Variants in PCDHGA7 observed in about 807,000 individuals in gnomAD.
The protein encoded by PCDHGA7 is protocadherin gamma subfamily A, 7, also known as protocadherin gamma-A7.
In PCDHGA7, 44 loss-of-function variants were observed where a neutral mutation model predicts 58.3. The ratio of observed to expected loss-of-function variants is 0.75; its 90% CI spans 0.59 to 0.97. The LOEUF is 0.97. PCDHGA7 is among the 50% of genes least tolerant of loss of function. The pLI is 0.00. For missense variants in PCDHGA7, 1,266 were observed against 1,188.7 expected, an observed-to-expected ratio of 1.06 and a Z score of -0.96; for synonymous variants, 516 against 504.2, an observed-to-expected ratio of 1.02 and a Z score of -0.31.
chr5:141,470,671 C>T (rs2099236433), intron 1 of PCDHGA7, among the ~76,000 whole-genome samples: 1 of 152,064 alleles, frequency 6.6e-6, no homozygotes, highest in African/African-American at 2.4e-5. Context: ...TAGGGCTCTG[C>T]TGTTACCATC....
At chr5:141,507,183 C>T (rs2099859036) in intron 3 of PCDHGA7, 1 of 152,428 alleles carries the variant, frequency 6.6e-6, no homozygotes, top group Non-Finnish European at 1.5e-5. Flanking sequence ...TCCTCGAGCT[C>T]TGCTTTATTC....
In PCDHGA7 at chr5:141,431,187, G is replaced by C. The variant is rs748150837; in HGVS notation, c.2424+45864G>C. On this transcript the variant is annotated intron_variant, in intron 1 of 3. Transcript: ENST00000518325. This position sits in a 1 kb window ranked among gnomAD's most constrained non-coding sequence, Gnocchi z 4.8. ...GAAAGTGAATTAGAAATAAAAATTAGTGAAAATGCAGCCACTGAGATGCGG... is the reference window on the plus strand; with the variant it reads ...GAAAGTGAATTAGAAATAAAAATTACTGAAAATGCAGCCACTGAGATGCGG... 4.3e-6 allele frequency: 7 copies of C among 1,614,102 alleles called. No homozygotes were observed. The Admixed American group carries it at 1.2e-4, about 27-fold the overall frequency.
At chr5:141,405,767 T>C (rs957910070) in intron 1 of PCDHGA7, among the ~76,000 whole-genome samples, 2 of 152,128 alleles carry the variant, frequency 1.3e-5, no homozygotes, top group African/African-American at 4.8e-5. Flanking sequence ...CGTGAGCCAC[T>C]GCGCCTGGCC....
chr5:141,405,967 G>C (rs76683972), intron 1 of PCDHGA7, among the ~76,000 whole-genome samples: 1 of 151,968 alleles, frequency 6.6e-6, no homozygotes, highest in Non-Finnish European at 1.5e-5. Context: ...TGCTGTCAAC[G>C]TAAACCATAC....
At chr5:141,449,631 G>C in intron 1 of PCDHGA7, among the ~76,000 whole-genome samples, 1 of 148,476 alleles carries the variant, frequency 6.7e-6, no homozygotes, top group Middle Eastern at 3.6e-3. Flanking sequence ...TTAAAAAGAT[G>C]TATCTATATA....
At chr5:141,470,961 C>T (rs1447105252) in intron 1 of PCDHGA7, among the ~76,000 whole-genome samples, 1 of 152,036 alleles carries the variant, frequency 6.6e-6, no homozygotes, top group Non-Finnish European at 1.5e-5. Context: ...AAGTGATCCT[C>T]CCACCTCAGC....
chr5:141,392,801 C>A, intron 1 of PCDHGA7: 1 of 1,570,660 alleles, frequency 6.4e-7, no homozygotes, highest in Admixed American at 1.9e-5. Flanking sequence ...GAGGATTCTG[C>A]AGCAAAACAA....
At position 141,486,602 on chromosome 5, in the gene PCDHGA7, C is replaced by T; in HGVS notation, c.2425-8205C>T. The stretch of plus-strand genomic sequence containing the variant: ...TCGCCCAGGGGACCTGCTTTGCTCC[C>T]TTGCAGCCTCTGACCCAGACTCTGG... On this transcript the variant is annotated intron_variant, in intron 1 of 3. Transcript: ENST00000518325. The surrounding 1 kb of genome is among the most constrained non-coding windows in gnomAD (Gnocchi z 5.0). 6.2e-7 allele frequency: 1 copy of T among 1,613,572 alleles called. No homozygotes were observed. Among genetic ancestry groups the T allele is most frequent in the Non-Finnish European group, 8.5e-7 (1 of 1,180,026 alleles).
chr5:141,415,040 C>A (rs772941952), intron 1 of PCDHGA7: 3 of 1,613,520 alleles, frequency 1.9e-6, no homozygotes, highest in Non-Finnish European at 2.5e-6. Flanking sequence ...GGACTCTTCG[C>A]GGTGGGGGAG....
chr5:141,511,055 A>ATG lies in PCDHGA7; in HGVS notation c.2683_2684dup (p.Tyr896SerfsTer10). 1 of 1,614,218 alleles carries ATG rather than the reference A, an allele frequency of 6.2e-7. No individual in the cohort carries two copies. The highest frequency in any genetic ancestry group is 8.5e-7 in the Non-Finnish European group (1 of 1,180,026). On this transcript the variant is annotated frameshift_variant, in exon 4 of 4. Coordinates refer to ENST00000518325, the MANE Select transcript of PCDHGA7 (RefSeq NM_018920.4). LOFTEE classifies it high-confidence loss of function. Reference sequence around the variant, plus strand: ...CAGCACGTGCCCGACTACCGCCAGAATGTCTACATCCCAGGCAGCAATGCC... The same window carrying ATG: ...CAGCACGTGCCCGACTACCGCCAGAATGTGTCTACATCCCAGGCAGCAATGCC...
intron 1 of PCDHGA7, among the ~76,000 whole-genome samples, chr5:141,484,645 T>C (rs948669787): frequency 1.3e-5 from 2 of 151,970 alleles, no homozygotes; most frequent in Admixed American, 6.6e-5. Context: ...CACTCTCCAA[T>C]GGCTACTCTC....
intron 1 of PCDHGA7, chr5:141,385,874 A>G (rs1465622834): frequency 6.5e-6 from 1 of 153,030 alleles, no homozygotes; most frequent in Non-Finnish European, 1.5e-5. Context: ...GGTTGGATTT[A>G]TGCCTAAAGA....
At chr5:141,460,456 T>C (rs2098989632) in intron 1 of PCDHGA7, among the ~76,000 whole-genome samples, 1 of 152,124 alleles carries the variant, frequency 6.6e-6, no homozygotes, top group South Asian at 2.1e-4. Flanking sequence ...AAGATTCATA[T>C]TTTTTTCCAA....
At chr5:141,507,429 G>C (rs1191174823) in intron 3 of PCDHGA7, 3 of 152,238 alleles carry the variant, frequency 2.0e-5, no homozygotes, top group African/African-American at 7.2e-5. Flanking sequence ...AGTGGGGCCA[G>C]GCCTACAGCT....
intron 1 of PCDHGA7, chr5:141,410,094 C>A: frequency 6.2e-7 from 1 of 1,612,646 alleles, no homozygotes; most frequent in South Asian, 1.1e-5. Context: ...ACGGCTCGAG[C>A]CTTAGGCGAC....
intron 1 of PCDHGA7, chr5:141,410,485 A>C (rs1277289074): frequency 6.2e-7 from 1 of 1,613,898 alleles, no homozygotes; most frequent in Admixed American, 1.7e-5. Context: ...ATACGGGTAC[A>C]AAAGAGTTTA....
At position 141,505,413 on chromosome 5, in the gene PCDHGA7, C is replaced by A; in HGVS notation, c.2504C>A (p.Thr835Asn). ...CCCAGCTCCCAAAATGGCGATGACACCGGCACCTGGCCCAACAACCAGTTT... is the reference window on the plus strand; with the variant it reads ...CCCAGCTCCCAAAATGGCGATGACAACGGCACCTGGCCCAACAACCAGTTT... ...GTSGSQNGDD[T>N]GTWPNNQFDT... Residue 835 changes from threonine to asparagine, a missense_variant, in exon 3 of 4, where the codon ACC becomes AAC. Physicochemically the swap from Thr to Asn is moderately conservative, Grantham distance 65 (BLOSUM62 0). Coordinates refer to ENST00000518325, the MANE Select transcript of PCDHGA7 (RefSeq NM_018920.4). 1 of 1,614,202 alleles carries A rather than the reference C, an allele frequency of 6.2e-7. No homozygotes were observed. Among genetic ancestry groups the A allele is most frequent in the Non-Finnish European group, 8.5e-7 (1 of 1,180,046 alleles).
In PCDHGA7 at chr5:141,393,130, T is replaced by C. The variant is rs752035971; in HGVS notation, c.2424+7807T>C. 19 of 1,613,248 alleles carry C rather than the reference T, an allele frequency of 1.2e-5. No individual in the cohort carries two copies. In the Admixed American group the frequency reaches 2.7e-4, roughly 23 times the overall value. On this transcript the variant is annotated intron_variant, in intron 1 of 3. Transcript: ENST00000518325. ...CAGAGCCCGCGGTGTCTGATAAATA[T>C]TAACACCCTGGTTGAGGATAAAGGA...
intron 1 of PCDHGA7, chr5:141,392,879 G>T: frequency 1.2e-6 from 2 of 1,613,512 alleles, no homozygotes; most frequent in East Asian, 2.2e-5. Flanking sequence ...TGCTGGGAAC[G>T]CTGTGGGAAA....
Sources: allele counts gnomAD v4.1 joint callset (sites outside exome capture counted in the v4.1 genomes callset), GRCh38; gene constraint gnomAD v4.1.1; non-coding constraint Gnocchi (gnomAD v3.1); transcripts MANE v1.5; gene names NCBI Gene and HGNC (gene_info 2026-07-23, HGNC 2026-07-21).